The following PSKH2 variants were observed in gnomAD, a reference collection of about 807,000 sequenced individuals.
The protein encoded by PSKH2 is serine/threonine-protein kinase H2.
A neutral mutation model predicts 22.5 loss-of-function variants in PSKH2; 16 were observed. The ratio of observed to expected loss-of-function variants is 0.71; its 90% CI spans 0.48 to 1.08. The LOEUF is 1.08. Among genes scored for constraint, PSKH2 ranks in the 50% least tolerant of loss-of-function variants. The pLI is 0.00. For synonymous variants in PSKH2, 188 were observed against 184.8 expected (o/e 1.02, Z -0.14); for missense variants, 516 against 492.8 (o/e 1.05, Z -0.44).
chr8:86,048,320 T>C lies in PSKH2; in HGVS notation c.*142A>G. On this transcript the variant is annotated 3_prime_UTR_variant, in exon 3 of 3. Transcript: ENST00000276616. ...AAAATGAATACAGGTATAGGAAAAA[T>C]TATAGAACAAGAAAATGTTAAAAGT... 1.6e-6 allele frequency: 1 copy of C among 643,214 alleles called. No homozygotes were observed. The highest frequency in any genetic ancestry group is 2.6e-6 in the Non-Finnish European group (1 of 388,654). 39.8% of individuals were successfully genotyped at this position (643,214 alleles called of 1,614,324 possible).
chr8:86,066,942 G>T (rs1050868014), intron 1 of PSKH2, among the ~76,000 whole-genome samples: 1 of 151,952 alleles, frequency 6.6e-6, no homozygotes, highest in Non-Finnish European at 1.5e-5. Context: ...AAATTCTATT[G>T]CTTTGCAGAC....
intron 2 of PSKH2, among the ~76,000 whole-genome samples, chr8:86,052,251 T>C (rs1407494185): frequency 1.3e-5 from 2 of 152,186 alleles, no homozygotes; most frequent in Non-Finnish European, 2.9e-5. Flanking sequence ...TCCAATAAAC[T>C]TCCTTAGAAT....
chr8:86,054,261 C>T (rs1817671131), intron 2 of PSKH2, among the ~76,000 whole-genome samples: 1 of 152,074 alleles, frequency 6.6e-6, no homozygotes, highest in Non-Finnish European at 1.5e-5. Context: ...AATAAGCTAT[C>T]ATTCAATTCC....
At chr8:86,064,909 C>T (rs1194372666) in intron 1 of PSKH2, among the ~76,000 whole-genome samples, 1 of 152,128 alleles carries the variant, frequency 6.6e-6, no homozygotes, top group African/African-American at 2.4e-5. Flanking sequence ...TTTTAAAAAT[C>T]TTATCCCTAC....
At chr8:86,049,730 GAAAGAAAGAAAGAAA>G (rs1306604863) in intron 2 of PSKH2, among the ~76,000 whole-genome samples, 4 of 57,232 alleles carry the variant, frequency 7.0e-5, no homozygotes, top group East Asian at 6.5e-4. Context: ...AAGAAAGAAA[GAAAGAAAGAAAGAAA>G]GAAACGAAAG....
At chr8:86,057,359 T>G (rs887927049) in intron 2 of PSKH2, among the ~76,000 whole-genome samples, 5 of 151,808 alleles carry the variant, frequency 3.3e-5, no homozygotes, top group Non-Finnish European at 7.4e-5. Context: ...TTTGTTTGTT[T>G]TCATTTGTTT....
At chr8:86,053,830 C>T (rs1468376996) in intron 2 of PSKH2, among the ~76,000 whole-genome samples, 1 of 152,200 alleles carries the variant, frequency 6.6e-6, no homozygotes, top group Middle Eastern at 3.4e-3. Context: ...TCACTTGAGC[C>T]GAAGAGTTCA....
rs149071803 is a variant in PSKH2 at position 86,061,334 on chromosome 8, T to C, written c.852+2631A>G. Among the ~76,000 whole-genome samples the C allele has an allele frequency of 2.5e-4, 38 of 152,338 alleles. 1 individual carries two copies. In the East Asian group the frequency reaches 6.9e-3, roughly 28 times the overall value. On this transcript the variant is annotated intron_variant, in intron 2 of 2. Transcript: ENST00000276616. ...GAATTAAACCTAACAAAAGGATTTT[T>C]AAACAGAAAATATTGTATATTGTTT... is the stretch of plus-strand genomic sequence containing the variant.
upstream of PSKH2, chr8:86,069,837 G>C (rs1195324802): frequency 2.0e-6 from 1 of 512,116 alleles, no homozygotes; most frequent in Non-Finnish European, 3.3e-6. Context: ...GTAATCTGAC[G>C]TGATGAAAGC....
At chr8:86,065,543 G>A (rs1192435826) in intron 1 of PSKH2, among the ~76,000 whole-genome samples, 3 of 152,030 alleles carry the variant, frequency 2.0e-5, no homozygotes, top group Non-Finnish European at 2.9e-5. Context: ...GTTTACCTAC[G>A]TAACAAACCT....
chr8:86,049,297 G>A (rs906789792), intron 2 of PSKH2, among the ~76,000 whole-genome samples: 2 of 152,182 alleles, frequency 1.3e-5, no homozygotes, highest in East Asian at 1.9e-4. Flanking sequence ...AGTAGCTCAC[G>A]TTTGTAATCC....
Position 86,064,026 on chromosome 8 carries a change from T to C in PSKH2, c.791A>G (p.Asp264Gly), listed in dbSNP as rs551017786. The change falls in exon 2 of 3, where the codon GAT (aspartate) becomes GGT (glycine). Residue 264 changes from aspartate to glycine, a missense_variant. Coordinates refer to ENST00000276616, the MANE Select transcript of PSKH2 (RefSeq NM_033126.3). ...CCTGTAAAGCCTTGTCTGGCTTTCATCATCAAAAGGCAGGAATCCGCTAAG... is the reference window on the plus strand; with the variant it reads ...CCTGTAAAGCCTTGTCTGGCTTTCACCATCAAAAGGCAGGAATCCGCTAAG... ...ALLSGFLPFD[D>G]ESQTRLYRKI... is the part of the protein sequence containing the mutation. 1 of 1,614,092 alleles carries C rather than the reference T, an allele frequency of 6.2e-7. No homozygotes were observed. The highest frequency in any genetic ancestry group is 1.3e-5 in the African/African-American group (1 of 75,050).
rs765656891 is a variant in PSKH2, at chr8:86,069,640, C to A, written c.-18G>T. The A allele has an allele frequency of 1.3e-6, 2 of 1,524,348 alleles. No homozygotes were observed. The highest frequency in any genetic ancestry group is 1.4e-5 in the African/African-American group (1 of 69,844). 94.4% of individuals were successfully genotyped at this position (1,524,348 alleles called of 1,614,324 possible). On this transcript the variant is annotated 5_prime_UTR_variant, in exon 1 of 3. Coordinates refer to ENST00000276616, the MANE Select transcript of PSKH2 (RefSeq NM_033126.3). ...CACCCCATACCCGCAACACGCCCGC[C>A]GCTCGCGGGACCTGGGGACTCGGGA...
Position 86,069,521 on chromosome 8 carries a change from A to G in PSKH2, c.102T>C (p.Pro34=), listed in dbSNP as rs1277257458. The change falls in exon 1 of 3, where the codon CCT becomes CCC. Residue 34 remains proline (P), a synonymous_variant. Transcript: ENST00000276616. Reference sequence around the variant, plus strand: ...CCGCCTGGGCCGCCGCCTCGGGCCCAGGCCCCGCGCCTCCGACGCCGGCTT... The same window carrying G: ...CCGCCTGGGCCGCCGCCTCGGGCCCGGGCCCCGCGCCTCCGACGCCGGCTT... ...QNQAGVGGAG[P]GPEAAAQAAQ... The G allele has an allele frequency of 4.4e-6, 7 of 1,608,504 alleles. No homozygotes were observed. Among genetic ancestry groups the G allele is most frequent in the Non-Finnish European group, 5.1e-6 (6 of 1,178,216 alleles).
Sources: allele counts gnomAD v4.1 joint callset (sites outside exome capture counted in the v4.1 genomes callset), GRCh38; gene constraint gnomAD v4.1.1; transcripts MANE v1.5; gene names NCBI Gene and HGNC (gene_info 2026-07-23, HGNC 2026-07-21).